PTPRM: variants seen among roughly 807,000 people sequenced by gnomAD.
The protein encoded by PTPRM is receptor-type tyrosine-protein phosphatase mu.
Under a neutral mutation model 186.7 loss-of-function variants are expected in PTPRM, and 47 were observed. That is an observed-to-expected ratio of 0.25 (90% confidence interval 0.20 to 0.32). PTPRM has a LOEUF of 0.32. Among genes scored for constraint, PTPRM ranks in the 10% least tolerant of loss-of-function variants. PTPRM has a pLI of 1.00. For missense variants in PTPRM, 1,494 were observed against 1,865.0 expected, an observed-to-expected ratio of 0.80 and a Z score of 3.66; for synonymous variants, 668 against 674.9, an observed-to-expected ratio of 0.99 and a Z score of 0.16.
At chr18:7,701,461 G>C (rs191977278) in intron 1 of PTPRM, among the ~76,000 whole-genome samples, 1 of 149,932 alleles carries the variant, frequency 6.7e-6, no homozygotes, top group African/African-American at 2.5e-5. Context: ...GTAGCTGGGC[G>C]TGGTGGCGCG....
chr18:7,721,789 C>T lies in PTPRM; in HGVS notation c.74-52360C>T, dbSNP rs148635097. Among the ~76,000 whole-genome samples, 568 of 152,254 alleles carry T rather than the reference C, an allele frequency of 3.7e-3. 5 individuals carry two copies. Among genetic ancestry groups the T allele is most frequent in the African/African-American group, 0.013 (554 of 41,574 alleles). On this transcript the variant is annotated intron_variant, in intron 1 of 32. Coordinates refer to ENST00000580170, the MANE Select transcript of PTPRM (RefSeq NM_001105244.2). ...AGGGTTTACTTCTGGGCTCTCTATTCTGTTTCATTACTCTGTCTGTGTTTA... is the reference window on the plus strand; with the variant it reads ...AGGGTTTACTTCTGGGCTCTCTATTTTGTTTCATTACTCTGTCTGTGTTTA...
At chr18:7,995,969 T>C (rs916069272) in intron 7 of PTPRM, among the ~76,000 whole-genome samples, 1 of 152,140 alleles carries the variant, frequency 6.6e-6, no homozygotes, top group African/African-American at 2.4e-5. Context: ...CTCTCAAAAA[T>C]AGTCTTTCTA....
intron 7 of PTPRM, among the ~76,000 whole-genome samples, chr18:7,992,552 G>A (rs563956002): frequency 7.9e-5 from 12 of 152,196 alleles, no homozygotes; most frequent in Admixed American, 7.2e-4. Flanking sequence ...CCAGGGACCA[G>A]GGGCAACAAA....
At chr18:7,764,696 G>T (rs951957641) in intron 1 of PTPRM, among the ~76,000 whole-genome samples, 2 of 152,180 alleles carry the variant, frequency 1.3e-5, no homozygotes, top group African/African-American at 4.8e-5. Flanking sequence ...GGTGATGGTG[G>T]CTTGTCCAGG....
intron 2 of PTPRM, among the ~76,000 whole-genome samples, chr18:7,798,058 G>A (rs1486431166): frequency 1.3e-5 from 2 of 152,142 alleles, no homozygotes; most frequent in South Asian, 2.1e-4. Context: ...CTGGTGATAG[G>A]TACCCTAGGG....
chr18:8,325,114 C>T (rs893931527), intron 22 of PTPRM, among the ~76,000 whole-genome samples: 2 of 152,306 alleles, frequency 1.3e-5, no homozygotes, highest in Non-Finnish European at 2.9e-5. Context: ...CATCTCTGTG[C>T]TCATCATAAA....
intron 1 of PTPRM, among the ~76,000 whole-genome samples, chr18:7,674,881 T>G (rs1442752782): frequency 6.6e-6 from 1 of 152,220 alleles, no homozygotes; most frequent in Non-Finnish European, 1.5e-5. Flanking sequence ...AACACTATGA[T>G]TTTGCTTATA....
At chr18:8,406,088 C>G in intron 32 of PTPRM, 21 bp from the exon 33 acceptor site, 2 of 1,613,240 alleles carry the variant, frequency 1.2e-6, no homozygotes, top group Non-Finnish European at 1.7e-6. Flanking sequence ...TGAGCTGACA[C>G]TTTCCCCTCC....
At chr18:8,092,697 C>G (rs2090808816) in intron 11 of PTPRM, among the ~76,000 whole-genome samples, 1 of 152,028 alleles carries the variant, frequency 6.6e-6, no homozygotes, top group Non-Finnish European at 1.5e-5. Context: ...ATTATTATTG[C>G]TAATGAAAGT....
At chr18:7,921,210 T>C (rs567838798) in intron 4 of PTPRM, among the ~76,000 whole-genome samples, 1 of 152,282 alleles carries the variant, frequency 6.6e-6, no homozygotes, top group Non-Finnish European at 1.5e-5. Context: ...TGAGCACCAA[T>C]AATTCTTAAA....
chr18:7,888,471 T>A, intron 3 of PTPRM, 94 bp downstream of exon 3: 1 of 1,388,996 alleles, frequency 7.2e-7, no homozygotes, highest in Non-Finnish European at 9.6e-7. Flanking sequence ...AAAAGGTTGT[T>A]GTATTTTTGT....
At chr18:7,999,008 T>A (rs566577036) in intron 7 of PTPRM, among the ~76,000 whole-genome samples, 1 of 152,304 alleles carries the variant, frequency 6.6e-6, no homozygotes, top group Admixed American at 6.5e-5. Context: ...TTTATGAATT[T>A]TTATAATTTG....
chr18:8,286,350 G>A (rs953903600), intron 19 of PTPRM, among the ~76,000 whole-genome samples: 1 of 152,164 alleles, frequency 6.6e-6, no homozygotes, highest in Admixed American at 6.5e-5. Context: ...GAGGTGAATT[G>A]GTTCTTCCAG....
intron 2 of PTPRM, among the ~76,000 whole-genome samples, chr18:7,806,535 T>TA (rs1157412218): frequency 6.6e-6 from 1 of 152,150 alleles, no homozygotes; most frequent in Non-Finnish European, 1.5e-5. Flanking sequence ...TGAAAAATTT[T>TA]AAAAAATCAA....
Position 7,768,307 on chromosome 18 carries a change from A to C in PTPRM, c.74-5842A>C, listed in dbSNP as rs569161880. On this transcript the variant is annotated intron_variant, in intron 1 of 32. Coordinates refer to ENST00000580170, the MANE Select transcript of PTPRM (RefSeq NM_001105244.2). ...AACTCAGGAGTTCAGAATCAGCAACATAGGGAGATCTCGTCTCTATCAAAG... is the reference window on the plus strand; with the variant it reads ...AACTCAGGAGTTCAGAATCAGCAACCTAGGGAGATCTCGTCTCTATCAAAG... 5.9e-5 allele frequency among the ~76,000 whole-genome samples: 9 copies of C among 152,220 alleles called. No homozygotes were observed. In the East Asian group the frequency reaches 1.8e-3, roughly 30 times the overall value.
intron 1 of PTPRM, among the ~76,000 whole-genome samples, chr18:7,746,949 G>A (rs977040246): frequency 3.9e-5 from 6 of 152,110 alleles, no homozygotes; most frequent in Admixed American, 6.5e-5. Context: ...GGTAAAGCAG[G>A]TCTCTGCTAC....
intron 1 of PTPRM, among the ~76,000 whole-genome samples, chr18:7,731,011 CATCT>C (rs1471771267): frequency 2.6e-5 from 4 of 152,182 alleles, no homozygotes; most frequent in Non-Finnish European, 5.9e-5. Context: ...GAACATCCCT[CATCT>C]ATCATAATTT....
At chr18:7,583,907 G>T (rs2036910148) in intron 1 of PTPRM, among the ~76,000 whole-genome samples, 1 of 152,168 alleles carries the variant, frequency 6.6e-6, no homozygotes, top group South Asian at 2.1e-4. Flanking sequence ...GGAGGTGGGA[G>T]GCCCTAGGAG....
intron 1 of PTPRM, among the ~76,000 whole-genome samples, chr18:7,689,399 C>T (rs2039684410): frequency 6.6e-6 from 1 of 152,208 alleles, no homozygotes; most frequent in Non-Finnish European, 1.5e-5. Flanking sequence ...GCAATGCCCT[C>T]CCTCGGCCCA....
Sources: gnomAD v4.1 joint callset for allele counts (sites outside exome capture counted in the v4.1 genomes callset) on GRCh38, gnomAD v4.1.1 for gene constraint, MANE v1.5 for transcripts, NCBI Gene and HGNC (gene_info 2026-07-23, HGNC 2026-07-21) for gene names.